The following TMEFF1 variants were observed in gnomAD, a reference collection of about 807,000 sequenced individuals.
TMEFF1 encodes the protein transmembrane protein with EGF like and two follistatin like domains 1, also known as tomoregulin-1.
TMEFF1 carries 20 observed loss-of-function variants against 47.5 expected under a neutral mutation model. The ratio of observed to expected loss-of-function variants is 0.42; its 90% CI spans 0.30 to 0.61. The LOEUF is 0.61. TMEFF1 is among the 20% of genes least tolerant of loss of function. TMEFF1 has a pLI of 0.19. For missense variants in TMEFF1, 411 were observed against 471.1 expected, an observed-to-expected ratio of 0.87 and a Z score of 1.18; for synonymous variants, 162 against 166.3, an observed-to-expected ratio of 0.97 and a Z score of 0.20.
intron 8 of TMEFF1, among the ~76,000 whole-genome samples, chr9:100,567,291 C>T (rs957248886): frequency 5.3e-5 from 8 of 152,142 alleles, no homozygotes; most frequent in African/African-American, 1.9e-4. Context: ...GCAGGCTCCT[C>T]ACCTCCTTCA....
At chr9:100,501,421 A>G (rs1837756803) in intron 2 of TMEFF1, among the ~76,000 whole-genome samples, 2 of 149,634 alleles carry the variant, frequency 1.3e-5, no homozygotes, top group South Asian at 4.3e-4. Flanking sequence ...ATTTGTTACC[A>G]TTTTTTTTTG....
intron 1 of TMEFF1, among the ~76,000 whole-genome samples, chr9:100,479,864 G>A (rs1837307391): frequency 6.6e-6 from 1 of 152,156 alleles, no homozygotes; most frequent in African/African-American, 2.4e-5. Context: ...CATGTTTTCA[G>A]TTCTGTTGTG....
At chr9:100,536,706 T>C (rs1433985059) in intron 5 of TMEFF1, among the ~76,000 whole-genome samples, 1 of 152,190 alleles carries the variant, frequency 6.6e-6, no homozygotes, top group Non-Finnish European at 1.5e-5. Context: ...GGTAGTGTGA[T>C]AAGATTGTGG....
chr9:100,533,010 T>A (rs1198325773), intron 5 of TMEFF1, among the ~76,000 whole-genome samples: 1 of 147,472 alleles, frequency 6.8e-6, no homozygotes, highest in Non-Finnish European at 1.5e-5. Context: ...ACACTGCATA[T>A]TCTCACTCAT....
At chr9:100,474,105 G>C (rs907397525) in intron 1 of TMEFF1, among the ~76,000 whole-genome samples, 1 of 151,588 alleles carries the variant, frequency 6.6e-6, no homozygotes, top group Non-Finnish European at 1.5e-5. Context: ...GCTGAGGGGA[G>C]GGAGGGCGGC....
At chr9:100,568,899 G>C (rs567383041) in intron 8 of TMEFF1, among the ~76,000 whole-genome samples, 66 of 152,156 alleles carry the variant, frequency 4.3e-4, no homozygotes, top group African/African-American at 1.6e-3. Context: ...ACACATATCA[G>C]TACTTCATTC....
At chr9:100,519,214 C>A (rs1292594352) in intron 5 of TMEFF1, among the ~76,000 whole-genome samples, 1 of 151,938 alleles carries the variant, frequency 6.6e-6, no homozygotes, top group East Asian at 1.9e-4. Context: ...TCAAGACCAT[C>A]CTGACCAACA....
At chr9:100,574,997 G>C (rs1839319808) in intron 9 of TMEFF1, among the ~76,000 whole-genome samples, 1 of 152,148 alleles carries the variant, frequency 6.6e-6, no homozygotes, top group East Asian at 1.9e-4. Context: ...ACTGCCCACT[G>C]TCTCTACGAT....
rs901130084 is a variant in TMEFF1 at position 100,542,052 on chromosome 9, A to AT, written c.561-5684dup. On this transcript the variant is annotated intron_variant, in intron 5 of 9. Coordinates refer to ENST00000374879, the MANE Select transcript of TMEFF1 (RefSeq NM_003692.5). ...ACTTAAATATATTGTGAATACTGATATTTTTTTTCTTATTTTATACTTTTG... is the reference window on the plus strand; with the variant it reads ...ACTTAAATATATTGTGAATACTGATATTTTTTTTTCTTATTTTATACTTTTG... 1.1e-4 allele frequency among the ~76,000 whole-genome samples: 17 copies of AT among 150,820 alleles called. No individual in the cohort carries two copies. The East Asian group carries it at 1.4e-3, about 12-fold the overall frequency.
chr9:100,522,687 G>A (rs1838186135), intron 5 of TMEFF1, among the ~76,000 whole-genome samples: 1 of 151,212 alleles, frequency 6.6e-6, no homozygotes, highest in South Asian at 2.1e-4. Context: ...CACCTGCCTC[G>A]GCCTCCCAAA....
chr9:100,554,732 T>C (rs1006561831), intron 7 of TMEFF1, among the ~76,000 whole-genome samples: 1 of 151,164 alleles, frequency 6.6e-6, no homozygotes, highest in Non-Finnish European at 1.5e-5. Flanking sequence ...TAGGGAAGGA[T>C]GTGTGGAGGG....
chr9:100,555,834 T>C (rs906733234), intron 7 of TMEFF1, among the ~76,000 whole-genome samples: 2 of 152,216 alleles, frequency 1.3e-5, no homozygotes, highest in African/African-American at 4.8e-5. Context: ...TTGAGTGCCC[T>C]ACTATGTGCC....
intron 7 of TMEFF1, among the ~76,000 whole-genome samples, chr9:100,560,555 T>C (rs1279926701): frequency 6.6e-6 from 1 of 152,070 alleles, no homozygotes; most frequent in Non-Finnish European, 1.5e-5. Context: ...CATATGTGAG[T>C]GTGTGATGTA....
intron 1 of TMEFF1, among the ~76,000 whole-genome samples, chr9:100,494,171 C>T (rs1268404881): frequency 6.9e-6 from 1 of 144,052 alleles, no homozygotes; most frequent in Non-Finnish European, 1.5e-5. Flanking sequence ...CACACCACTG[C>T]ACTCCAGCCT....
chr9:100,565,114 G>A (rs1839097981), intron 8 of TMEFF1, among the ~76,000 whole-genome samples: 1 of 152,092 alleles, frequency 6.6e-6, no homozygotes, highest in Non-Finnish European at 1.5e-5. Flanking sequence ...ATGTCTAGTG[G>A]GCTGCTGGAT....
intron 1 of TMEFF1, among the ~76,000 whole-genome samples, chr9:100,497,776 G>A (rs911432931): frequency 2.0e-5 from 3 of 152,068 alleles, no homozygotes; most frequent in South Asian, 2.1e-4. Flanking sequence ...TCTCTTTGCC[G>A]GGACCTCATC....
intron 1 of TMEFF1, among the ~76,000 whole-genome samples, chr9:100,498,116 T>C (rs1355550521): frequency 6.6e-6 from 1 of 152,138 alleles, no homozygotes; most frequent in Non-Finnish European, 1.5e-5. Context: ...ACCACAGAAT[T>C]CTGGTATTGT....
intron 1 of TMEFF1, among the ~76,000 whole-genome samples, chr9:100,494,620 G>A (rs1206698976): frequency 6.6e-6 from 1 of 152,132 alleles, no homozygotes; most frequent in African/African-American, 2.4e-5. Context: ...AAAAACAGAG[G>A]AAGAATGAAG....
chr9:100,536,372 T>G (rs1253428550), intron 5 of TMEFF1, among the ~76,000 whole-genome samples: 1 of 152,192 alleles, frequency 6.6e-6, no homozygotes, highest in Non-Finnish European at 1.5e-5. Context: ...TTTTTTCTCC[T>G]TTATGCTGAG....
Sources: gnomAD v4.1 joint callset for allele counts (sites outside exome capture counted in the v4.1 genomes callset) on GRCh38, gnomAD v4.1.1 for gene constraint, MANE v1.5 for transcripts, NCBI Gene and HGNC (gene_info 2026-07-23, HGNC 2026-07-21) for gene names.